Variants in ERG observed in about 807,000 individuals in gnomAD.
The protein encoded by ERG is ETS transcription factor ERG.
In ERG, 9 loss-of-function variants were observed where a neutral mutation model predicts 55.3. The observed-to-expected ratio is 0.16, with a 90% CI of 0.10 to 0.28. The LOEUF is 0.28. Ranked by LOEUF, ERG falls within the 10% of genes least tolerant of loss-of-function variation. The pLI, the probability that ERG is intolerant of heterozygous loss-of-function variation, is 1.00. For missense variants in ERG, 434 were observed against 631.6 expected, an observed-to-expected ratio of 0.69 and a Z score of 3.35; for synonymous variants, 223 against 237.3, an observed-to-expected ratio of 0.94 and a Z score of 0.55.
At chr21:38,453,845 C>T (rs2096503) in intron 1 of ERG, among the ~76,000 whole-genome samples, 136,416 of 148,966 alleles carry the variant, frequency 0.92, 62,520 homozygotes, top group South Asian at 0.98. Context: ...GATCGCGCCA[C>T]GGCACTCTAG....
intron 2 of ERG, among the ~76,000 whole-genome samples, chr21:38,569,704 T>C (rs1043821114): frequency 6.6e-6 from 1 of 152,148 alleles, no homozygotes; most frequent in East Asian, 1.9e-4. Flanking sequence ...CCCCTAAAAC[T>C]CTCCCCTCCC....
At chr21:38,596,755 C>A (rs1406434751) in intron 1 of ERG, among the ~76,000 whole-genome samples, 1 of 152,180 alleles carries the variant, frequency 6.6e-6, no homozygotes, top group Non-Finnish European at 1.5e-5. Context: ...CTCACCCAGC[C>A]AAGATGGCCT....
chr21:38,481,457 C>A (rs2059237774), intron 1 of ERG, among the ~76,000 whole-genome samples: 1 of 152,156 alleles, frequency 6.6e-6, no homozygotes, highest in Non-Finnish European at 1.5e-5. Context: ...ATTACATTTT[C>A]ATTGGCCTAT....
chr21:38,546,854 T>C (rs1002954919), intron 2 of ERG, among the ~76,000 whole-genome samples: 2 of 152,220 alleles, frequency 1.3e-5, no homozygotes, highest in African/African-American at 4.8e-5. Flanking sequence ...GTTGTTGATC[T>C]CCTCGTTGAC....
chr21:38,466,298 G>GGGGTGTGTGGGTGT (rs961379963), intron 1 of ERG, among the ~76,000 whole-genome samples: 1 of 56,448 alleles, frequency 1.8e-5, no homozygotes, highest in East Asian at 3.6e-4. Flanking sequence ...CTGATGGTCT[G>GGGGTGTGTGGGTGT]GGGTGTGTGT....
intron 2 of ERG, among the ~76,000 whole-genome samples, chr21:38,508,904 G>T (rs1273018948): frequency 1.3e-5 from 2 of 152,120 alleles, no homozygotes; most frequent in Admixed American, 1.3e-4. Flanking sequence ...ATTTTCTTGG[G>T]AACAGCCACT....
chr21:38,623,098 TG>T (rs2060303608), intron 1 of ERG, among the ~76,000 whole-genome samples: 1 of 144,158 alleles, frequency 6.9e-6, no homozygotes, highest in South Asian at 2.2e-4. Context: ...ACATTATATA[TG>T]CACCATACAC....
intron 1 of ERG, among the ~76,000 whole-genome samples, chr21:38,636,468 A>G (rs150813174): frequency 1.3e-5 from 2 of 152,220 alleles, no homozygotes; most frequent in East Asian, 3.9e-4. Context: ...TTTATGCAAA[A>G]TTTTATTTGA....
intron 1 of ERG, among the ~76,000 whole-genome samples, chr21:38,463,409 G>A (rs766898883): frequency 1.3e-5 from 2 of 152,184 alleles, no homozygotes; most frequent in East Asian, 1.9e-4. Flanking sequence ...CAGGAGATTC[G>A]TCAGGGCTGG....
chr21:38,622,876 A>G (rs962507769), intron 1 of ERG, among the ~76,000 whole-genome samples: 6 of 149,972 alleles, frequency 4.0e-5, no homozygotes, highest in African/African-American at 1.5e-4. Context: ...CACATACTAC[A>G]TGATCATATA....
intron 1 of ERG, among the ~76,000 whole-genome samples, chr21:38,650,148 G>A (rs2060480171): frequency 1.3e-5 from 2 of 152,130 alleles, no homozygotes; most frequent in African/African-American, 4.8e-5. Context: ...AAAATAAAAA[G>A]AGTGAAATTC....
chr21:38,392,038 C>T (rs1987994670), intron 7 of ERG, among the ~76,000 whole-genome samples: 1 of 151,910 alleles, frequency 6.6e-6, no homozygotes, highest in African/African-American at 2.4e-5. Context: ...AGGGAAACCA[C>T]CAGTCAAATA....
chr21:38,417,372 G>A (rs945456727), intron 3 of ERG, among the ~76,000 whole-genome samples: 1 of 152,178 alleles, frequency 6.6e-6, no homozygotes, highest in Non-Finnish European at 1.5e-5. Flanking sequence ...GAAGAATGTG[G>A]CTACTCTTAT....
chr21:38,638,175 C>T (rs2060401934), intron 1 of ERG, among the ~76,000 whole-genome samples: 3 of 152,208 alleles, frequency 2.0e-5, no homozygotes, highest in Admixed American at 2.0e-4. Context: ...CACTTGTCCC[C>T]ATGGGACCTT....
chr21:38,411,733 T>C (rs571425037), intron 3 of ERG, among the ~76,000 whole-genome samples: 10 of 152,314 alleles, frequency 6.6e-5, no homozygotes, highest in African/African-American at 2.4e-4. Flanking sequence ...TACAGAGTTC[T>C]AGAAAAAAAA....
chr21:38,619,501 T>C (rs2060277669), intron 1 of ERG, among the ~76,000 whole-genome samples: 1 of 152,178 alleles, frequency 6.6e-6, no homozygotes, highest in Non-Finnish European at 1.5e-5. Flanking sequence ...CCCTTAGTCA[T>C]TTATTTAAAG....
rs1471375692 is a variant in ERG, at chr21:38,622,869, ATAC to A, written c.-149-37927_-149-37925del. ...TACATTCCACACACCCACACCACAC[ATAC>A]TACATGATCATATATACCACACACA... is the stretch of plus-strand genomic sequence containing the variant. On this transcript the variant is annotated intron_variant, in intron 1 of 10. Transcript: ENST00000398910. 6.0e-5 allele frequency among the ~76,000 whole-genome samples: 9 copies of A among 150,718 alleles called. No homozygotes were observed. The South Asian group carries it at 1.1e-3, about 18-fold the overall frequency.
the ERG span, chr21:38,367,562 C>T: frequency 5.5e-5 from 27 of 489,872 alleles, no homozygotes; most frequent in African/African-American, 9.6e-5. Context: ...GAGAAGGCCA[C>T]GCTGCCTTCT....
chr21:38,392,199 C>A lies in ERG; in HGVS notation c.814+177G>T, dbSNP rs1462175111. 289 of 703,862 alleles carry A rather than the reference C, an allele frequency of 4.1e-4. 1 individual carries two copies. The highest frequency in any genetic ancestry group is 5.1e-5 in the Non-Finnish European group (20 of 388,966). 43.6% of individuals were successfully genotyped at this position (703,862 alleles called of 1,614,324 possible). A position where few individuals can be genotyped will look rare whatever the true frequency, so the allele number is the denominator to read the frequency against. On this transcript the variant is annotated intron_variant, in intron 7 of 9. Coordinates refer to ENST00000288319, the MANE Select transcript of ERG (RefSeq NM_182918.4). ...ATTTTTGTTATGAAAGTCCTGATGA[C>A]CCAAATGGAGAAAGAATCACTGCAG...
Sources: gnomAD v4.1 joint callset for allele counts (sites outside exome capture counted in the v4.1 genomes callset) on GRCh38, gnomAD v4.1.1 for gene constraint, MANE v1.5 for transcripts, NCBI Gene and HGNC (gene_info 2026-07-23, HGNC 2026-07-21) for gene names.